The following DOCK3 variants were observed in gnomAD, a reference collection of about 807,000 sequenced individuals.
The protein encoded by DOCK3 is dedicator of cytokinesis protein 3.
DOCK3 carries 60 observed loss-of-function variants against 265.6 expected under a neutral mutation model. That is an observed-to-expected ratio of 0.23 (90% CI 0.18 to 0.28). The LOEUF (loss-of-function observed/expected upper bound fraction) is 0.28. DOCK3 is among the 10% of genes least tolerant of loss of function. The probability of loss-of-function intolerance (pLI) is 1.00; values close to 1 mark genes in which losing one functional copy is unlikely to be tolerated. For synonymous variants in DOCK3, 881 were observed against 938.0 expected, an observed-to-expected ratio of 0.94 and a Z score of 1.11; for missense variants, 1,981 against 2,594.3, an observed-to-expected ratio of 0.76 and a Z score of 5.14.
chr3:50,797,486 ACAG>A (rs979435649), intron 2 of DOCK3, among the ~76,000 whole-genome samples: 7 of 152,194 alleles, frequency 4.6e-5, no homozygotes, highest in Non-Finnish European at 1.0e-4. Flanking sequence ...GTTGTCCCGG[ACAG>A]CAGATGAGAC....
chr3:51,088,158 A>C (rs1407517210), intron 7 of DOCK3, among the ~76,000 whole-genome samples: 1 of 152,194 alleles, frequency 6.6e-6, no homozygotes, highest in Non-Finnish European at 1.5e-5. Context: ...CAGAAAGACA[A>C]ATATCTCATG....
intron 12 of DOCK3, among the ~76,000 whole-genome samples, 151 bp downstream of exon 12, chr3:51,160,853 A>T: frequency 6.6e-6 from 1 of 150,974 alleles, no homozygotes; most frequent in East Asian, 2.0e-4. Context: ...AAGGTGGGCA[A>T]ATCACAAGGT....
At chr3:51,213,364 G>A (rs897849898) in intron 13 of DOCK3, among the ~76,000 whole-genome samples, 9 of 152,104 alleles carry the variant, frequency 5.9e-5, no homozygotes, top group Non-Finnish European at 1.2e-4. Context: ...CTTCTAGCCA[G>A]TAGCTGCAGC....
At chr3:50,982,973 G>A (rs2077750219) in intron 5 of DOCK3, among the ~76,000 whole-genome samples, 1 of 152,288 alleles carries the variant, frequency 6.6e-6, no homozygotes, top group African/African-American at 2.4e-5. Flanking sequence ...TCCCCAACAG[G>A]TTCAAGGGTT....
At chr3:50,921,781 A>T (rs1353868675) in intron 4 of DOCK3, among the ~76,000 whole-genome samples, 1 of 151,496 alleles carries the variant, frequency 6.6e-6, no homozygotes, top group Non-Finnish European at 1.5e-5. Context: ...AGCAGTCAGG[A>T]CCCTCAGCTG....
At chr3:50,913,326 T>C (rs1023536842) in intron 4 of DOCK3, among the ~76,000 whole-genome samples, 2 of 151,888 alleles carry the variant, frequency 1.3e-5, no homozygotes, top group African/African-American at 4.8e-5. Context: ...TGAGCTGTTA[T>C]CCAGTATGCA....
At chr3:51,366,929 T>G (rs1237784896) in intron 49 of DOCK3, among the ~76,000 whole-genome samples, 1 of 152,226 alleles carries the variant, frequency 6.6e-6, no homozygotes, top group Non-Finnish European at 1.5e-5. Context: ...AATTTTGGAA[T>G]AGGTGTGGTG....
At chr3:51,247,338 G>A (rs866156767) in intron 22 of DOCK3, among the ~76,000 whole-genome samples, 15 of 152,316 alleles carry the variant, frequency 9.8e-5, no homozygotes, top group African/African-American at 3.4e-4. Flanking sequence ...TCCCTGCTTG[G>A]ACAGGTTCCC....
At chr3:50,848,231 G>A (rs1412577271) in intron 3 of DOCK3, among the ~76,000 whole-genome samples, 2 of 152,130 alleles carry the variant, frequency 1.3e-5, no homozygotes, top group South Asian at 2.1e-4. Context: ...AGACAGATGG[G>A]TCTTTTTGTT....
At chr3:51,356,056 C>A (rs767640777) in intron 41 of DOCK3, 33 bp from the exon 42 acceptor site, 3 of 1,612,892 alleles carry the variant, frequency 1.9e-6, no homozygotes, top group Non-Finnish European at 2.5e-6. Context: ...CCAGCTCTGG[C>A]AAGTCTGTGT....
chr3:51,046,232 T>C (rs1489426784), intron 5 of DOCK3, among the ~76,000 whole-genome samples: 1 of 152,180 alleles, frequency 6.6e-6, no homozygotes, highest in African/African-American at 2.4e-5. Flanking sequence ...TAGTAAGTCC[T>C]TAACTGCCAA....
intron 4 of DOCK3, among the ~76,000 whole-genome samples, chr3:50,931,324 A>G (rs2051057046): frequency 6.6e-6 from 1 of 151,824 alleles, no homozygotes; most frequent in Non-Finnish European, 1.5e-5. Flanking sequence ...TTTACAGTGA[A>G]CCTCCTTTTT....
At chr3:50,709,354 A>T (rs1466253696) in intron 1 of DOCK3, among the ~76,000 whole-genome samples, 1 of 151,880 alleles carries the variant, frequency 6.6e-6, no homozygotes. Flanking sequence ...AGATACTTTT[A>T]CTTCTTTCTT....
intron 5 of DOCK3, among the ~76,000 whole-genome samples, chr3:50,979,120 C>T (rs552591702): frequency 1.3e-5 from 2 of 152,290 alleles, no homozygotes; most frequent in Non-Finnish European, 2.9e-5. Flanking sequence ...GCCGCTCACG[C>T]TGGGAGCTGT....
intron 5 of DOCK3, among the ~76,000 whole-genome samples, chr3:50,986,655 C>A (rs2077913900): frequency 6.6e-6 from 1 of 152,108 alleles, no homozygotes; most frequent in Non-Finnish European, 1.5e-5. Context: ...TAACATTATA[C>A]CGAATCTTTT....
intron 1 of DOCK3, among the ~76,000 whole-genome samples, chr3:50,717,382 T>G (rs1035708180): frequency 3.9e-5 from 6 of 152,246 alleles, no homozygotes. Context: ...AGTTTGTTCT[T>G]AGGTAGTTAC....
At chr3:51,273,453 T>C (rs569284979) in intron 24 of DOCK3, among the ~76,000 whole-genome samples, 2 of 152,358 alleles carry the variant, frequency 1.3e-5, no homozygotes, top group East Asian at 3.9e-4. Flanking sequence ...TAACCAGCAC[T>C]GGTATTCTCA....
chr3:50,694,296 T>G (rs1048264841), intron 1 of DOCK3, among the ~76,000 whole-genome samples: 2 of 151,846 alleles, frequency 1.3e-5, no homozygotes, highest in African/African-American at 2.4e-5. Context: ...AAAATAAAAA[T>G]AAAAAGAATG....
At chr3:50,855,902 A>G (rs1234437043) in intron 3 of DOCK3, among the ~76,000 whole-genome samples, 3 of 151,798 alleles carry the variant, frequency 2.0e-5, no homozygotes, top group Non-Finnish European at 2.9e-5. Flanking sequence ...TGTTCTTATC[A>G]TTCAGCTCCC....
Sources: gnomAD v4.1 joint callset for allele counts (sites outside exome capture counted in the v4.1 genomes callset) on GRCh38, gnomAD v4.1.1 for gene constraint, MANE v1.5 for transcripts, NCBI Gene and HGNC (gene_info 2026-07-23, HGNC 2026-07-21) for gene names.